MROH1: variants seen among roughly 807,000 people sequenced by gnomAD.
MROH1 encodes maestro heat like repeat family member 1, also known as maestro heat-like repeat-containing protein family member 1.
Under a neutral mutation model 116.5 loss-of-function variants are expected in MROH1, and 117 were observed. The observed-to-expected ratio is 1.00, with a 90% CI of 0.86 to 1.17. The LOEUF (loss-of-function observed/expected upper bound fraction) is 1.17, where lower values mean the gene tolerates loss of function less well. Ranked by LOEUF, MROH1 falls within the 50% of genes most tolerant of loss-of-function variation. MROH1 has a pLI of 0.00. For synonymous variants in MROH1, 921 were observed against 583.9 expected (o/e 1.58, Z -8.32); for missense variants, 1,873 against 1,338.5 (o/e 1.40, Z -6.23).
At chr8:144,259,466 G>A in intron 37 of MROH1, 112 bp downstream of exon 37, 1 of 698,662 alleles carries the variant, frequency 1.4e-6, no homozygotes, top group South Asian at 1.5e-5. Context: ...TGGTCTGTGA[G>A]GGAGGTTATG....
At chr8:144,200,063 C>A (rs896960758) in intron 11 of MROH1, among the ~76,000 whole-genome samples, 1 of 152,124 alleles carries the variant, frequency 6.6e-6, no homozygotes, top group African/African-American at 2.4e-5. Context: ...CTTGACAGCT[C>A]GAGTCCCCTT....
chr8:144,258,680 G>A, intron 35 of MROH1, 97 bp from the exon 36 acceptor site: 2 of 698,970 alleles, frequency 2.9e-6, no homozygotes, highest in Non-Finnish European at 2.6e-6. Context: ...CTAGCCACCA[G>A]GTGGGCAACA....
intron 32 of MROH1, among the ~76,000 whole-genome samples, chr8:144,249,758 A>G (rs1842534920): frequency 1.3e-5 from 2 of 152,112 alleles, no homozygotes; most frequent in Non-Finnish European, 2.9e-5. Context: ...CGGTCTGGGA[A>G]TCTGTCTCCT....
intron 12 of MROH1, among the ~76,000 whole-genome samples, chr8:144,217,910 G>A (rs1835621366): frequency 6.6e-6 from 1 of 151,420 alleles, no homozygotes; most frequent in Non-Finnish European, 1.5e-5. Context: ...CTGCGTTAGA[G>A]GCCCGGGATC....
At chr8:144,199,868 G>A (rs1455008500) in intron 11 of MROH1, among the ~76,000 whole-genome samples, 1 of 152,216 alleles carries the variant, frequency 6.6e-6, no homozygotes, top group East Asian at 1.9e-4. Flanking sequence ...CCAGGCTGGG[G>A]GCAGGGTTGT....
In MROH1 at chr8:144,226,243, G is replaced by C. The variant is rs182592646; in HGVS notation, c.1338+3013G>C. Among the ~76,000 whole-genome samples the C allele has an allele frequency of 1.4e-3, 206 of 152,110 alleles. 1 individual carries two copies. Among genetic ancestry groups the C allele is most frequent in the Middle Eastern group, 3.4e-3 (1 of 294 alleles). ...TGAGTTAATTTTTGTTAAATGTGAG[G>C]TGTGTTTGAGGCTCGTTTTTTTGCA... On this transcript the variant is annotated intron_variant, in intron 14 of 43. Coordinates refer to ENST00000326134, the MANE Select transcript of MROH1 (RefSeq NM_032450.3).
At chr8:144,162,103 AAGAC>A (rs1256996234) in intron 2 of MROH1, among the ~76,000 whole-genome samples, 1 of 129,254 alleles carries the variant, frequency 7.7e-6, no homozygotes, top group Non-Finnish European at 1.6e-5. Flanking sequence ...TTTTTTTTTT[AAGAC>A]AGAGTCTCAC....
chr8:144,175,011 A>G, intron 4 of MROH1: 1 of 985,454 alleles, frequency 1.0e-6, no homozygotes. Context: ...GAAAAAAGCA[A>G]AGATTTCCCT....
At chr8:144,207,070 T>C (rs1236211484) in intron 12 of MROH1, among the ~76,000 whole-genome samples, 1 of 151,330 alleles carries the variant, frequency 6.6e-6, no homozygotes, top group East Asian at 2.0e-4. Flanking sequence ...AAAAAAAAAA[T>C]GGAAGTTCCC....
At chr8:144,229,284 T>C (rs771152157) in intron 14 of MROH1, among the ~76,000 whole-genome samples, 3 of 152,156 alleles carry the variant, frequency 2.0e-5, no homozygotes, top group Non-Finnish European at 4.4e-5. Flanking sequence ...TGGTATCTAC[T>C]ATAGTGAATC....
intron 14 of MROH1, among the ~76,000 whole-genome samples, chr8:144,236,895 CCT>C (rs1840126387): frequency 7.6e-6 from 1 of 131,182 alleles, no homozygotes; most frequent in Admixed American, 7.9e-5. Flanking sequence ...CTCTCCTATT[CCT>C]TTTTTTTTTT....
intron 2 of MROH1, among the ~76,000 whole-genome samples, chr8:144,162,997 C>T (rs1470903898): frequency 6.6e-6 from 1 of 152,238 alleles, no homozygotes; most frequent in Admixed American, 6.5e-5. Context: ...TGCTGGATTA[C>T]AGGCATGAGC....
At chr8:144,257,869 G>A (rs1019936375) in intron 35 of MROH1, among the ~76,000 whole-genome samples, 17 of 152,258 alleles carry the variant, frequency 1.1e-4, no homozygotes, top group Non-Finnish European at 2.2e-4. Context: ...CAAAGGCGGC[G>A]GGGGCCTAAG....
chr8:144,161,642 T>A (rs901073071), intron 2 of MROH1, among the ~76,000 whole-genome samples: 7 of 152,174 alleles, frequency 4.6e-5, no homozygotes, highest in Non-Finnish European at 7.4e-5. Context: ...CTCGTCCAGT[T>A]TTTTAGTTGT....
chr8:144,168,795 ATC>A (rs2131014718), intron 4 of MROH1, among the ~76,000 whole-genome samples: 1 of 152,252 alleles, frequency 6.6e-6, no homozygotes, highest in East Asian at 1.9e-4. Flanking sequence ...TTCTGAGAGA[ATC>A]TCATCAACCC....
At chr8:144,237,438 G>A (rs891819635) in intron 14 of MROH1, among the ~76,000 whole-genome samples, 18 of 152,194 alleles carry the variant, frequency 1.2e-4, no homozygotes, top group Non-Finnish European at 2.1e-4. Flanking sequence ...TCTGCTCTGC[G>A]GACCCTTCCA....
Position 144,180,758 on chromosome 8 carries a change from G to A in MROH1, c.562+235G>A, listed in dbSNP as rs895744123. ...TGGAGAGCCCCCCACCTTACATTGT[G>A]GGTCCACTGAGGGCTGGACGTGCCT... On this transcript the variant is annotated intron_variant, in intron 7 of 43. Transcript: ENST00000326134. This position sits in a 1 kb window ranked among gnomAD's most constrained non-coding sequence, Gnocchi z 7.4. Among the ~76,000 whole-genome samples the A allele has an allele frequency of 2.6e-5, 4 of 152,136 alleles. No individual in the cohort carries two copies. Among genetic ancestry groups the A allele is most frequent in the African/African-American group, 9.7e-5 (4 of 41,414 alleles).
rs1015855517 is a variant in MROH1 at position 144,241,401 on chromosome 8, G to C, written c.2062G>C (p.Ala688Pro). ...TAAGTGTGCTGCCCCCCAGGGCCTC[G>C]CCTGCTGCTTCGGGATCTGTGCCAT... ...YQEEAEREGL[A>P]CCFGICAISH... The change falls in exon 22 of 44, where the codon GCC (alanine) becomes CCC (proline). Residue 688 changes from alanine (A) to proline (P), a missense_variant. Ala to Pro is a conservative substitution (Grantham distance 27). Transcript: ENST00000326134. 1.3e-6 allele frequency: 1 copy of C among 776,850 alleles called. No individual in the cohort carries two copies. Among genetic ancestry groups the C allele is most frequent in the African/African-American group, 1.7e-5 (1 of 59,046 alleles). The allele number at this position is 776,850 out of a possible 1,614,324, so 48.1% of individuals were successfully genotyped here. A position where few individuals can be genotyped will look rare whatever the true frequency, so the allele number is the denominator to read the frequency against.
intron 2 of MROH1, among the ~76,000 whole-genome samples, chr8:144,162,664 T>C (rs1819837591): frequency 6.6e-6 from 1 of 151,924 alleles, no homozygotes; most frequent in South Asian, 2.1e-4. Context: ...CCCAAAGTGC[T>C]GGAATTACAG....
Sources: allele counts gnomAD v4.1 joint callset (sites outside exome capture counted in the v4.1 genomes callset), GRCh38; gene constraint gnomAD v4.1.1; non-coding constraint Gnocchi (gnomAD v3.1); transcripts MANE v1.5; gene names NCBI Gene and HGNC (gene_info 2026-07-23, HGNC 2026-07-21).